STPG2: variants seen among roughly 807,000 people sequenced by gnomAD.
The protein encoded by STPG2 is sperm-tail PG-rich repeat-containing protein 2.
In STPG2, 56 loss-of-function variants were observed where a neutral mutation model predicts 54.2. That is an observed-to-expected ratio of 1.03 (90% CI 0.83 to 1.29). The LOEUF (loss-of-function observed/expected upper bound fraction) is 1.29, where lower values mean the gene tolerates loss of function less well. STPG2 is among the 50% of genes most tolerant of loss of function. The pLI is 0.00. For synonymous variants in STPG2, 200 were observed against 181.8 expected (o/e 1.10, Z -0.81); for missense variants, 596 against 544.9 (o/e 1.09, Z -0.93).
intron 8 of STPG2, among the ~76,000 whole-genome samples, chr4:97,933,398 T>C (rs1387960085): frequency 6.6e-6 from 1 of 152,200 alleles, no homozygotes; most frequent in Non-Finnish European, 1.5e-5. Flanking sequence ...TTTTCTTTTG[T>C]TGAAATTGCT....
intron 10 of STPG2, among the ~76,000 whole-genome samples, chr4:97,638,872 T>C (rs1294206951): frequency 1.4e-5 from 2 of 138,038 alleles, no homozygotes; most frequent in Non-Finnish European, 3.1e-5. Context: ...TGTGGAGAAA[T>C]AGGAACACTT....
rs1722998240 is a variant in STPG2 at position 97,680,484 on chromosome 4, C to T, written c.1320+32215G>A. 3.3e-5 allele frequency among the ~76,000 whole-genome samples: 5 copies of T among 152,140 alleles called. No individual in the cohort carries two copies. In the South Asian group the frequency reaches 1.0e-3, roughly 32 times the overall value. The stretch of plus-strand genomic sequence containing the variant: ...TGATTTTTGTACATTGATTTTGTAT[C>T]CTGAGACTTTGCTGAAGTTGCTTAT... On this transcript the variant is annotated intron_variant, in intron 10 of 10. Transcript: ENST00000295268.
intron 10 of STPG2, among the ~76,000 whole-genome samples, chr4:97,565,197 C>T (rs966710642): frequency 7.2e-5 from 11 of 152,198 alleles, no homozygotes; most frequent in African/African-American, 2.4e-4. Context: ...TCTTCCATCA[C>T]TGATACCCTT....
At chr4:97,930,222 T>A (rs1280564755) in intron 8 of STPG2, among the ~76,000 whole-genome samples, 4 of 152,170 alleles carry the variant, frequency 2.6e-5, no homozygotes, top group Non-Finnish European at 5.9e-5. Flanking sequence ...TTGCAATTAC[T>A]TTTGGTGTCT....
chr4:97,595,840 C>T (rs531886209), intron 10 of STPG2, among the ~76,000 whole-genome samples: 1 of 152,206 alleles, frequency 6.6e-6, no homozygotes, highest in African/African-American at 2.4e-5. Context: ...ACTATTGACA[C>T]TATAAAGCAA....
chr4:97,757,210 C>A (rs1012225332), intron 9 of STPG2, among the ~76,000 whole-genome samples: 1 of 152,148 alleles, frequency 6.6e-6, no homozygotes, highest in Non-Finnish European at 1.5e-5. Flanking sequence ...CAATTCAAGT[C>A]CATCTCCTCA....
At chr4:98,033,474 CA>C (rs1191875349) in intron 5 of STPG2, among the ~76,000 whole-genome samples, 2 of 151,664 alleles carry the variant, frequency 1.3e-5, no homozygotes, top group Non-Finnish European at 2.9e-5. Context: ...GCCTACCAAC[CA>C]AAAAATGTCC....
intron 10 of STPG2, among the ~76,000 whole-genome samples, chr4:97,660,526 T>C (rs1387392308): frequency 2.0e-5 from 3 of 152,194 alleles, no homozygotes; most frequent in Non-Finnish European, 2.9e-5. Flanking sequence ...CTAGAATGAA[T>C]GGGAAAGGAT....
chr4:97,887,730 A>T (rs1484501716), intron 8 of STPG2, among the ~76,000 whole-genome samples: 2 of 152,226 alleles, frequency 1.3e-5, no homozygotes, highest in African/African-American at 4.8e-5. Context: ...TGCATAACCG[A>T]AAAGGATCCA....
At chr4:98,113,716 A>G (rs2110148541) in intron 3 of STPG2, among the ~76,000 whole-genome samples, 1 of 152,116 alleles carries the variant, frequency 6.6e-6, no homozygotes, top group African/African-American at 2.4e-5. Flanking sequence ...AGGGATTCTA[A>G]TTTGATACAC....
intron 9 of STPG2, among the ~76,000 whole-genome samples, chr4:97,814,991 A>C (rs1727862080): frequency 6.6e-6 from 1 of 152,128 alleles, no homozygotes; most frequent in Non-Finnish European, 1.5e-5. Context: ...TCTTAGTATT[A>C]CTGTGCCTTG....
chr4:98,122,233 T>C (rs1739700632), intron 3 of STPG2, among the ~76,000 whole-genome samples: 1 of 152,190 alleles, frequency 6.6e-6, no homozygotes, highest in South Asian at 2.1e-4. Context: ...CTTCCAATAC[T>C]ATGTTGAATA....
At chr4:97,911,904 T>A (rs1305569301) in intron 8 of STPG2, among the ~76,000 whole-genome samples, 1 of 150,794 alleles carries the variant, frequency 6.6e-6, no homozygotes, top group Non-Finnish European at 1.5e-5. Context: ...CCAACAAGAG[T>A]CTCCAGACAC....
intron 8 of STPG2, among the ~76,000 whole-genome samples, chr4:97,899,960 T>C (rs1274624482): frequency 2.1e-5 from 3 of 142,280 alleles, no homozygotes; most frequent in Non-Finnish European, 4.9e-5. Context: ...CAAAAGCAAA[T>C]GAAACTATCA....
intron 5 of STPG2, among the ~76,000 whole-genome samples, chr4:98,039,574 A>G (rs1165776008): frequency 6.6e-6 from 1 of 151,190 alleles, no homozygotes; most frequent in Non-Finnish European, 1.5e-5. Flanking sequence ...GATGGGTGCA[A>G]TGCACATTAT....
At chr4:98,035,707 C>T (rs1223554914) in intron 5 of STPG2, among the ~76,000 whole-genome samples, 2 of 152,062 alleles carry the variant, frequency 1.3e-5, no homozygotes, top group Non-Finnish European at 2.9e-5. Context: ...AAATGCCCAT[C>T]AATGACAAAC....
intron 5 of STPG2, among the ~76,000 whole-genome samples, chr4:98,013,580 C>CA: frequency 1.3e-5 from 1 of 74,604 alleles, no homozygotes; most frequent in East Asian, 4.9e-4. Context: ...TGGTCCTGGG[C>CA]TTTTTTTTTT....
At chr4:97,643,974 G>A (rs1434990067) in intron 10 of STPG2, among the ~76,000 whole-genome samples, 2 of 151,822 alleles carry the variant, frequency 1.3e-5, no homozygotes, top group African/African-American at 4.8e-5. Context: ...TTTTAAACAT[G>A]ATTTTCAATC....
intron 7 of STPG2, among the ~76,000 whole-genome samples, chr4:97,971,811 CAAAAT>C (rs1454090776): frequency 1.3e-5 from 2 of 151,820 alleles, no homozygotes; most frequent in African/African-American, 2.4e-5. Context: ...AAAAAATAAA[CAAAAT>C]AAAATAAAAT....
Sources: gnomAD v4.1 joint callset for allele counts (sites outside exome capture counted in the v4.1 genomes callset) on GRCh38, gnomAD v4.1.1 for gene constraint, MANE v1.5 for transcripts, NCBI Gene and HGNC (gene_info 2026-07-23, HGNC 2026-07-21) for gene names.